Variants in NELL2 observed in about 807,000 individuals in gnomAD.
The protein encoded by NELL2 is protein kinase C-binding protein NELL2.
NELL2 carries 41 observed loss-of-function variants against 109.6 expected under a neutral mutation model. The ratio of observed to expected loss-of-function variants is 0.37; its 90% confidence interval spans 0.29 to 0.49. The LOEUF is 0.49. Among genes scored for constraint, NELL2 ranks in the 20% least tolerant of loss-of-function variants. The pLI is 0.98. For missense variants in NELL2, 900 were observed against 1,008.3 expected (o/e 0.89, Z 1.45); for synonymous variants, 355 against 344.7 (o/e 1.03, Z -0.33).
intron 1 of NELL2, among the ~76,000 whole-genome samples, chr12:44,905,494 T>G (rs866916874): frequency 3.3e-5 from 5 of 152,046 alleles, no homozygotes; most frequent in African/African-American, 1.2e-4. Context: ...CTTTCATTAG[T>G]AAAGATTTTT....
At chr12:44,743,309 C>T (rs1029592146) in intron 9 of NELL2, among the ~76,000 whole-genome samples, 2 of 152,152 alleles carry the variant, frequency 1.3e-5, no homozygotes, top group Non-Finnish European at 2.9e-5. Context: ...AAGCACTAAA[C>T]ATGGAAAGGA....
chr12:44,519,255 C>T (rs1281747162), intron 19 of NELL2, among the ~76,000 whole-genome samples: 1 of 152,132 alleles, frequency 6.6e-6, no homozygotes, highest in African/African-American at 2.4e-5. Context: ...GTGTTGATTA[C>T]AAAATTATGA....
At chr12:44,771,098 A>C (rs947538558) in intron 9 of NELL2, among the ~76,000 whole-genome samples, 6 of 152,168 alleles carry the variant, frequency 3.9e-5, no homozygotes, top group African/African-American at 1.2e-4. Context: ...GTCACCTAAA[A>C]TATTTATACT....
chr12:44,738,168 A>T (rs537857741), intron 9 of NELL2, among the ~76,000 whole-genome samples: 9 of 152,174 alleles, frequency 5.9e-5, no homozygotes, highest in Admixed American at 1.3e-4. Flanking sequence ...CCCCTCAGTA[A>T]CTAAAAACTT....
At chr12:44,826,784 C>CCAGGAT (rs1405682018) in intron 2 of NELL2, among the ~76,000 whole-genome samples, 8 of 152,152 alleles carry the variant, frequency 5.3e-5, no homozygotes, top group Admixed American at 5.2e-4. Flanking sequence ...AGTGGCAGAG[C>CCAGGAT]CAGGATCCTA....
chr12:44,592,695 C>T (rs1467726107), intron 15 of NELL2, among the ~76,000 whole-genome samples: 1 of 151,894 alleles, frequency 6.6e-6, no homozygotes, highest in African/African-American at 2.4e-5. Flanking sequence ...TTTGAGGGCC[C>T]CTCAGGAAAA....
chr12:44,661,133 G>A (rs116083069), intron 13 of NELL2, among the ~76,000 whole-genome samples: 286 of 152,270 alleles, frequency 1.9e-3, no homozygotes, highest in African/African-American at 6.6e-3. Flanking sequence ...CCTCAGATGA[G>A]CATGCATACA....
chr12:44,519,975 T>TGCG (rs1941454121), intron 19 of NELL2, 30 bp downstream of exon 19: 1 of 1,586,986 alleles, frequency 6.3e-7, no homozygotes, highest in Non-Finnish European at 8.6e-7. Context: ...GCTGGCAAAG[T>TGCG]GCTCACTATT....
chr12:44,653,791 CAAAAT>C (rs1167468061), intron 13 of NELL2, among the ~76,000 whole-genome samples: 2 of 152,094 alleles, frequency 1.3e-5, no homozygotes, highest in African/African-American at 2.4e-5. Flanking sequence ...ACAACAAAGA[CAAAAT>C]AAAGCGTTAA....
intron 1 of NELL2, among the ~76,000 whole-genome samples, chr12:44,883,698 C>T (rs207472903): frequency 6.6e-6 from 1 of 151,736 alleles, no homozygotes. Flanking sequence ...ATAAAGGGAC[C>T]GATATAATGG....
intron 3 of NELL2, among the ~76,000 whole-genome samples, chr12:44,803,241 C>T (rs999236999): frequency 5.6e-5 from 8 of 142,378 alleles, no homozygotes; most frequent in African/African-American, 1.3e-4. Flanking sequence ...ATTGAAGATG[C>T]TGGTAAATGA....
In NELL2 at chr12:44,838,521, A is replaced by G. The variant is rs74238385; in HGVS notation, c.185-22385T>C. ...CTGGGCCCTGGTTACTTTGGTTCCC[A>G]TCTGTAAAATGGGAACAATAATAAT... On this transcript the variant is annotated intron_variant, in intron 2 of 19. Coordinates refer to ENST00000429094, the MANE Select transcript of NELL2 (RefSeq NM_001145108.2). Among the ~76,000 whole-genome samples, 40 of 152,262 alleles carry G rather than the reference A, an allele frequency of 2.6e-4. No homozygotes were observed. The East Asian group carries it at 5.6e-3, about 21-fold the overall frequency.
At chr12:44,614,556 G>T (rs1276899071) in intron 13 of NELL2, among the ~76,000 whole-genome samples, 1 of 152,004 alleles carries the variant, frequency 6.6e-6, no homozygotes, top group Admixed American at 6.6e-5. Context: ...GGAAAAAAAA[G>T]TAATAATATA....
At chr12:44,545,381 A>G (rs1942750145) in intron 15 of NELL2, among the ~76,000 whole-genome samples, 1 of 152,148 alleles carries the variant, frequency 6.6e-6, no homozygotes, top group African/African-American at 2.4e-5. Context: ...CTACAAAGTG[A>G]GAAAAAGTAT....
chr12:44,512,208 A>T (rs1941029092), intron 19 of NELL2, among the ~76,000 whole-genome samples: 2 of 152,228 alleles, frequency 1.3e-5, no homozygotes, highest in Admixed American at 1.3e-4. Flanking sequence ...CATACAAATG[A>T]CCAACACATA....
intron 15 of NELL2, among the ~76,000 whole-genome samples, chr12:44,541,149 G>A (rs1451904566): frequency 6.7e-6 from 1 of 149,248 alleles, no homozygotes; most frequent in Non-Finnish European, 1.5e-5. Context: ...TACTCGGGAG[G>A]CTGAGGCAGG....
Position 44,791,743 on chromosome 12 carries a change from T to C in NELL2, c.336-11721A>G, listed in dbSNP as rs2136632142. 1.3e-5 allele frequency among the ~76,000 whole-genome samples: 2 copies of C among 151,622 alleles called. 1 individual carries two copies. The highest frequency in any genetic ancestry group is 4.2e-4 in the South Asian group (2 of 4,806). ...ATTGAGATGGAGACTATAAGAAGAG[T>C]AAGTTTAGATAAGGTAAATCAAGTA... On this transcript the variant is annotated intron_variant, in intron 3 of 19. Transcript: ENST00000429094.
intron 12 of NELL2, among the ~76,000 whole-genome samples, chr12:44,696,089 G>A (rs1949055959): frequency 6.6e-6 from 1 of 152,204 alleles, no homozygotes; most frequent in Admixed American, 6.5e-5. Context: ...TCCCTGAAAT[G>A]CAGAACAAGA....
intron 15 of NELL2, among the ~76,000 whole-genome samples, chr12:44,539,496 A>T (rs1478239628): frequency 6.6e-6 from 1 of 152,032 alleles, no homozygotes; most frequent in Non-Finnish European, 1.5e-5. Flanking sequence ...TATTTTACAG[A>T]TTTCTGAATG....
Sources: allele counts gnomAD v4.1 joint callset (sites outside exome capture counted in the v4.1 genomes callset), GRCh38; gene constraint gnomAD v4.1.1; transcripts MANE v1.5; gene names NCBI Gene and HGNC (gene_info 2026-07-23, HGNC 2026-07-21).